TRIP4: variants seen among roughly 807,000 people sequenced by gnomAD.
The protein encoded by TRIP4 is activating signal cointegrator 1.
A neutral mutation model predicts 81.8 loss-of-function variants in TRIP4; 54 were observed. The observed-to-expected ratio is 0.66, with a 90% CI of 0.53 to 0.83. The LOEUF (loss-of-function observed/expected upper bound fraction) is 0.83, where lower values mean the gene tolerates loss of function less well. Ranked by LOEUF, TRIP4 falls within the 40% of genes least tolerant of loss-of-function variation. The probability of loss-of-function intolerance (pLI) is 0.00; values close to 1 mark genes in which losing one functional copy is unlikely to be tolerated. For missense variants in TRIP4, 662 were observed against 683.6 expected (o/e 0.97, Z 0.35); for synonymous variants, 270 against 242.8 (o/e 1.11, Z -1.04).
intron 8 of TRIP4, among the ~76,000 whole-genome samples, chr15:64,417,193 G>T (rs1435595673): frequency 7.2e-5 from 11 of 152,052 alleles, no homozygotes. Flanking sequence ...ATATTTTTTT[G>T]TAGAGAAGGA....
rs1290239495 is a variant in TRIP4 at position 64,439,605 on chromosome 15, C to T, written c.1576-5401C>T. On this transcript the variant is annotated intron_variant, in intron 11 of 12. Transcript: ENST00000261884. Reference sequence around the variant, plus strand: ...ATGGCGTAATCTTGGCTCACTGCAACCTCCACCTCCCAGGTTCAGGTGATC... The same window carrying T: ...ATGGCGTAATCTTGGCTCACTGCAATCTCCACCTCCCAGGTTCAGGTGATC... Among the ~76,000 whole-genome samples the T allele has an allele frequency of 5.0e-5, 7 of 139,340 alleles. No homozygotes were observed. In the East Asian group the frequency reaches 1.3e-3, roughly 27 times the overall value. The allele number at this position is 139,340 out of a possible 152,430, so 91.4% of individuals were successfully genotyped here.
rs1891717921 is a variant in TRIP4 at position 64,409,738 on chromosome 15, A to G, written c.953A>G (p.His318Arg). 1 of 1,614,026 alleles carries G rather than the reference A, an allele frequency of 6.2e-7. No homozygotes were observed. Residue 318 changes from histidine to arginine, a missense_variant, in exon 7 of 13, where the codon CAC (histidine) becomes CGC (arginine). His to Arg is a conservative substitution (Grantham distance 29). Transcript: ENST00000261884. ...GAGGAGGAGCTGAGAGAACTTCGAC[A>G]CGCCTCTCGACTTTCTAAGAAGGTC... ...KREEELRELR[H>R]ASRLSKKVTI...
At chr15:64,403,422 GT>G (rs1414928606) in intron 5 of TRIP4, among the ~76,000 whole-genome samples, 4 of 152,188 alleles carry the variant, frequency 2.6e-5, no homozygotes, top group Non-Finnish European at 5.9e-5. Context: ...GCCTCCCAAA[GT>G]GCTGGAATTA....
chr15:64,430,653 T>C (rs976312533), intron 11 of TRIP4, among the ~76,000 whole-genome samples: 18 of 152,226 alleles, frequency 1.2e-4, no homozygotes, highest in African/African-American at 4.3e-4. Flanking sequence ...TTGTGCTATT[T>C]ATATCCCTGC....
At chr15:64,402,071 T>C (rs1215018372) in intron 5 of TRIP4, among the ~76,000 whole-genome samples, 3 of 152,160 alleles carry the variant, frequency 2.0e-5, no homozygotes, top group South Asian at 4.1e-4. Context: ...CCAATATTAA[T>C]TTCTTAGTTT....
chr15:64,454,684 A>G (rs1308100616), intron 12 of TRIP4, among the ~76,000 whole-genome samples: 1 of 152,220 alleles, frequency 6.6e-6, no homozygotes, highest in African/African-American at 2.4e-5. Flanking sequence ...GTATATTCTT[A>G]AAAATTTGCC....
chr15:64,445,692 T>A (rs987135215), intron 12 of TRIP4, among the ~76,000 whole-genome samples: 5 of 115,580 alleles, frequency 4.3e-5, no homozygotes, highest in Admixed American at 9.0e-5. Context: ...AAAAAAAAAA[T>A]TTATTGTGTT....
At position 64,410,500 on chromosome 15, in the gene TRIP4, A is replaced by C. The variant is rs549579039; in HGVS notation, c.1043+672A>C. The stretch of plus-strand genomic sequence containing the variant: ...GCTAACATTTTTAATTGCTAAAGCA[A>C]TAATTAAATATGTTATTTTGGGATA... On this transcript the variant is annotated intron_variant, in intron 7 of 12. Coordinates refer to ENST00000261884, the MANE Select transcript of TRIP4 (RefSeq NM_016213.5). Among the ~76,000 whole-genome samples the C allele has an allele frequency of 5.3e-5, 8 of 152,336 alleles. No individual in the cohort carries two copies. The South Asian group carries it at 1.7e-3, about 32-fold the overall frequency.
chr15:64,390,446 G>T (rs1900091586), intron 1 of TRIP4, among the ~76,000 whole-genome samples: 1 of 150,936 alleles, frequency 6.6e-6, no homozygotes, highest in African/African-American at 2.4e-5. Context: ...GGGTGACAGA[G>T]TGAGACCTCG....
intron 1 of TRIP4, among the ~76,000 whole-genome samples, chr15:64,393,184 C>T (rs1473626867): frequency 7.2e-6 from 1 of 139,592 alleles, no homozygotes; most frequent in African/African-American, 2.7e-5. Context: ...GAGGAAGTCT[C>T]ACTTGCCCAG....
chr15:64,402,716 G>A (rs941668440), intron 5 of TRIP4, among the ~76,000 whole-genome samples: 7 of 151,564 alleles, frequency 4.6e-5, no homozygotes, highest in African/African-American at 1.7e-4. Flanking sequence ...AGTAGAGATG[G>A]GGTTCTCCCA....
In TRIP4 at chr15:64,393,005, G is replaced by A. The variant is rs138552465; in HGVS notation, c.102-941G>A. On this transcript the variant is annotated intron_variant, in intron 1 of 12. Transcript: ENST00000261884. Reference sequence around the variant, plus strand: ...TCCACCATTACACTGTGAAAAGAATGCAGTACATACGATACCAATCATAGG... The same window carrying A: ...TCCACCATTACACTGTGAAAAGAATACAGTACATACGATACCAATCATAGG... 8.8e-4 allele frequency among the ~76,000 whole-genome samples: 134 copies of A among 152,196 alleles called. No homozygotes were observed. In the East Asian group the frequency reaches 0.024, roughly 27 times the overall value.
At chr15:64,400,605 G>T in intron 4 of TRIP4, 138 bp from the exon 5 acceptor site, 2 of 612,340 alleles carry the variant, frequency 3.3e-6, no homozygotes, top group Admixed American at 3.0e-5. Flanking sequence ...ATATTTTGGT[G>T]TGTTTGGATT....
chr15:64,390,667 G>GA (rs1900100054), intron 1 of TRIP4, among the ~76,000 whole-genome samples: 1 of 151,850 alleles, frequency 6.6e-6, no homozygotes, highest in South Asian at 2.1e-4. Flanking sequence ...AAGGCAGGTG[G>GA]ACCACCTGAG....
intron 3 of TRIP4, among the ~76,000 whole-genome samples, chr15:64,396,055 C>T (rs914001344): frequency 1.3e-5 from 2 of 151,772 alleles, no homozygotes; most frequent in Admixed American, 1.3e-4. Flanking sequence ...ACTGCATGCG[C>T]ACACTGCCAC....
intron 1 of TRIP4, among the ~76,000 whole-genome samples, chr15:64,390,347 A>G (rs1189766763): frequency 2.0e-5 from 3 of 150,700 alleles, no homozygotes; most frequent in Non-Finnish European, 4.4e-5. Flanking sequence ...AGGTCATCTC[A>G]GTTACTCGGA....
chr15:64,452,502 G>A (rs544356567), intron 12 of TRIP4, among the ~76,000 whole-genome samples: 12 of 152,274 alleles, frequency 7.9e-5, no homozygotes, highest in African/African-American at 2.9e-4. Context: ...TGAACCTGTA[G>A]TTATTTGATT....
At chr15:64,411,836 C>G (rs975872412) in intron 7 of TRIP4, among the ~76,000 whole-genome samples, 2 of 152,056 alleles carry the variant, frequency 1.3e-5, no homozygotes, top group Non-Finnish European at 2.9e-5. Flanking sequence ...CCCGCCACCA[C>G]GCCTGGCTAA....
At chr15:64,423,051 G>C (rs529581792) in intron 9 of TRIP4, among the ~76,000 whole-genome samples, 1 of 152,232 alleles carries the variant, frequency 6.6e-6, no homozygotes, top group Admixed American at 6.5e-5. Context: ...ACATCTTTTT[G>C]TAATCCTTGG....
Sources: allele counts gnomAD v4.1 joint callset (sites outside exome capture counted in the v4.1 genomes callset), GRCh38; gene constraint gnomAD v4.1.1; transcripts MANE v1.5; gene names NCBI Gene and HGNC (gene_info 2026-07-23, HGNC 2026-07-21).